The following TRIO variants were observed in gnomAD, a reference collection of about 807,000 sequenced individuals.
The protein encoded by TRIO is triple functional domain protein.
TRIO carries 58 observed loss-of-function variants against 351.9 expected under a neutral mutation model. That is an observed-to-expected ratio of 0.16 (90% CI 0.13 to 0.21). The LOEUF is 0.21. TRIO is among the 10% of genes least tolerant of loss of function. The pLI is 1.00. For synonymous variants in TRIO, 1,758 were observed against 1,595.7 expected (o/e 1.10, Z -2.42); for missense variants, 3,201 against 4,027.8 (o/e 0.79, Z 5.56).
At chr5:14,225,789 C>CCCA (rs1792959055) in intron 1 of TRIO, among the ~76,000 whole-genome samples, 1 of 25,942 alleles carries the variant, frequency 3.9e-5, no homozygotes, top group South Asian at 1.8e-3. Flanking sequence ...ATTCACTGCT[C>CCCA]CCACCCCCCC....
chr5:14,388,588 T>C, intron 23 of TRIO, 25 bp from the exon 24 acceptor site: 1 of 1,605,232 alleles, frequency 6.2e-7, no homozygotes, highest in South Asian at 1.1e-5. Flanking sequence ...CTGACTGTAC[T>C]CCTCACTGTC....
chr5:14,289,576 G>T (rs1047584145), intron 4 of TRIO, among the ~76,000 whole-genome samples: 4 of 151,874 alleles, frequency 2.6e-5, no homozygotes, highest in Non-Finnish European at 1.5e-5. Context: ...GGTCGTGTGC[G>T]ATGTCTCATG....
intron 45 of TRIO, 99 bp downstream of exon 45, chr5:14,481,717 A>T (rs1049974325): frequency 2.6e-6 from 3 of 1,152,704 alleles, no homozygotes; most frequent in Non-Finnish European, 1.2e-6. Flanking sequence ...GATCCTTTTC[A>T]CTTGGTTTTC....
intron 4 of TRIO, among the ~76,000 whole-genome samples, chr5:14,288,815 G>C (rs954961562): frequency 1.5e-4 from 23 of 152,148 alleles, no homozygotes; most frequent in African/African-American, 5.3e-4. Flanking sequence ...AGCCCTTCTT[G>C]TTTTCTCTTT....
intron 9 of TRIO, among the ~76,000 whole-genome samples, chr5:14,320,801 G>A (rs967562892): frequency 1.3e-5 from 2 of 152,104 alleles, no homozygotes; most frequent in Non-Finnish European, 2.9e-5. Context: ...AGATAGTTTT[G>A]TAGTCTACTA....
chr5:14,363,983 A>G (rs893054435), intron 14 of TRIO, 56 bp downstream of exon 14: 41 of 1,544,958 alleles, frequency 2.7e-5, no homozygotes, highest in African/African-American at 1.6e-4. Context: ...CGTCATGGCA[A>G]TTCGGCTTAT....
intron 48 of TRIO, among the ~76,000 whole-genome samples, chr5:14,489,589 T>C (rs1042949233): frequency 6.6e-6 from 1 of 152,164 alleles, no homozygotes; most frequent in African/African-American, 2.4e-5. Context: ...CCAGTTAGCA[T>C]CTAGAGCTCA....
intron 2 of TRIO, among the ~76,000 whole-genome samples, chr5:14,271,768 C>A (rs1016106600): frequency 6.6e-6 from 1 of 152,188 alleles, no homozygotes; most frequent in South Asian, 2.1e-4. Flanking sequence ...ATCTGTGTAT[C>A]CTCTTGAACA....
At chr5:14,302,898 A>C (rs1430220365) in intron 7 of TRIO, among the ~76,000 whole-genome samples, 1 of 152,258 alleles carries the variant, frequency 6.6e-6, no homozygotes, top group Non-Finnish European at 1.5e-5. Flanking sequence ...GGCCTTCCGC[A>C]CTTGCCTTTC....
At chr5:14,437,098 G>T (rs574869004) in intron 34 of TRIO, among the ~76,000 whole-genome samples, 57 of 152,224 alleles carry the variant, frequency 3.7e-4, no homozygotes, top group African/African-American at 1.4e-3. Context: ...CTCTTTCTTT[G>T]ATAGTAAGAC....
chr5:14,481,231 C>A lies in TRIO; in HGVS notation c.6337-3C>A. 1.9e-6 allele frequency: 3 copies of A among 1,613,626 alleles called. No homozygotes were observed. Among genetic ancestry groups the A allele is most frequent in the Non-Finnish European group, 2.5e-6 (3 of 1,179,794 alleles). ...TATCATGTCCTCTCCATTTCCCTTG[C>A]AGGACTTCCTCAAGTATTCCAAAAA... On this transcript the variant is annotated splice_polypyrimidine_tract_variant and splice_region_variant and intron_variant, in intron 43 of 56. Coordinates refer to ENST00000344204, the MANE Select transcript of TRIO (RefSeq NM_007118.4).
At chr5:14,504,173 T>C (rs974922741) in intron 54 of TRIO, among the ~76,000 whole-genome samples, 2 of 152,202 alleles carry the variant, frequency 1.3e-5, no homozygotes, top group African/African-American at 4.8e-5. Flanking sequence ...AGACCAAGGC[T>C]GCCTGGGAGG....
At chr5:14,424,322 G>A (rs1031449455) in intron 34 of TRIO, among the ~76,000 whole-genome samples, 4 of 152,076 alleles carry the variant, frequency 2.6e-5, no homozygotes, top group African/African-American at 9.7e-5. Flanking sequence ...TTTCAAATAT[G>A]TCTAGAAGAA....
At chr5:14,259,534 TTC>T (rs1431224128) in intron 1 of TRIO, among the ~76,000 whole-genome samples, 2 of 152,234 alleles carry the variant, frequency 1.3e-5, no homozygotes, top group African/African-American at 4.8e-5. Context: ...TCTACCAGAA[TTC>T]TTTTTCTGCT....
intron 1 of TRIO, among the ~76,000 whole-genome samples, chr5:14,269,183 G>C (rs757915992): frequency 3.9e-5 from 6 of 152,170 alleles, no homozygotes; most frequent in Non-Finnish European, 8.8e-5. Flanking sequence ...TGTGTTTGCT[G>C]TGAAGTCTGT....
At chr5:14,163,685 G>T (rs1022722969) in intron 1 of TRIO, among the ~76,000 whole-genome samples, 6 of 152,214 alleles carry the variant, frequency 3.9e-5, no homozygotes, top group African/African-American at 1.4e-4. Flanking sequence ...CATTGTTGTA[G>T]ATGACCAGAG....
At chr5:14,388,296 G>A (rs1268677012) in intron 23 of TRIO, among the ~76,000 whole-genome samples, 3 of 152,134 alleles carry the variant, frequency 2.0e-5, no homozygotes, top group Non-Finnish European at 4.4e-5. Flanking sequence ...GAGTGCTGTT[G>A]GCCTCTAGTG....
intron 1 of TRIO, among the ~76,000 whole-genome samples, chr5:14,209,301 A>G (rs1035210079): frequency 6.6e-6 from 1 of 152,320 alleles, no homozygotes; most frequent in South Asian, 2.1e-4. Context: ...TATGTCAGGA[A>G]CTATATTTGC....
At chr5:14,489,134 T>G in intron 48 of TRIO, 1 of 714,496 alleles carries the variant, frequency 1.4e-6, no homozygotes. Flanking sequence ...TAAATACATT[T>G]CTCTAAAAGG....
Sources: gnomAD v4.1 joint callset for allele counts (sites outside exome capture counted in the v4.1 genomes callset) on GRCh38, gnomAD v4.1.1 for gene constraint, MANE v1.5 for transcripts, NCBI Gene and HGNC (gene_info 2026-07-23, HGNC 2026-07-21) for gene names.